Variants in SH3GL3 observed in about 807,000 individuals in gnomAD.
SH3GL3 encodes SH3 domain containing GRB2 like 3, endophilin A3.
SH3GL3 carries 33 observed loss-of-function variants against 47.7 expected under a neutral mutation model. That is an observed-to-expected ratio of 0.69 (90% confidence interval 0.52 to 0.92). SH3GL3 has a LOEUF of 0.92. Among genes scored for constraint, SH3GL3 ranks in the 40% least tolerant of loss-of-function variants. The pLI is 0.00. For synonymous variants in SH3GL3, 155 were observed against 148.8 expected (o/e 1.04, Z -0.30); for missense variants, 363 against 417.8 (o/e 0.87, Z 1.14).
chr15:83,589,263 C>T (rs997136651), intron 8 of SH3GL3, among the ~76,000 whole-genome samples: 6 of 152,158 alleles, frequency 3.9e-5, no homozygotes, highest in Non-Finnish European at 7.3e-5. Context: ...CCTACACCAT[C>T]GCAGTTCGCT....
chr15:83,565,097 T>C (rs765615934), intron 2 of SH3GL3, 37 bp from the exon 3 acceptor site: 1 of 880,318 alleles, frequency 1.1e-6, no homozygotes, highest in Non-Finnish European at 1.8e-6. Flanking sequence ...TTATTGAGTT[T>C]GTCATTTACT....
intron 1 of SH3GL3, among the ~76,000 whole-genome samples, chr15:83,504,617 C>T (rs2042419938): frequency 6.6e-6 from 1 of 152,202 alleles, no homozygotes; most frequent in Non-Finnish European, 1.5e-5. Flanking sequence ...GGCCCTCCTT[C>T]CAAAAGCCCT....
chr15:83,468,360 T>A (rs936910197), intron 1 of SH3GL3, among the ~76,000 whole-genome samples: 1 of 152,240 alleles, frequency 6.6e-6, no homozygotes, highest in African/African-American at 2.4e-5. Flanking sequence ...GGCTATTTAT[T>A]TTCTTGCCTT....
intron 1 of SH3GL3, among the ~76,000 whole-genome samples, chr15:83,498,928 C>T (rs1388909840): frequency 2.0e-5 from 3 of 152,172 alleles, no homozygotes; most frequent in Admixed American, 1.3e-4. Context: ...CCCTTTGGAC[C>T]AGGTCCATGT....
intron 1 of SH3GL3, among the ~76,000 whole-genome samples, chr15:83,492,816 C>T (rs539239016): frequency 6.6e-6 from 1 of 152,344 alleles, no homozygotes; most frequent in South Asian, 2.1e-4. Context: ...CCAGCAGTAA[C>T]GAACCCTTTG....
chr15:83,622,555 G>A (rs551691323), downstream of SH3GL3, among the ~76,000 whole-genome samples: 1 of 152,360 alleles, frequency 6.6e-6, no homozygotes, highest in East Asian at 1.9e-4. Context: ...TTACTGACAT[G>A]GAATTGAAAT....
intron 1 of SH3GL3, among the ~76,000 whole-genome samples, chr15:83,518,501 AT>A (rs924091954): frequency 2.6e-5 from 4 of 151,700 alleles, no homozygotes; most frequent in African/African-American, 7.3e-5. Context: ...GATGTGGAGC[AT>A]TTTTTTTGCA....
intron 1 of SH3GL3, among the ~76,000 whole-genome samples, chr15:83,530,176 C>A: frequency 6.6e-6 from 1 of 152,196 alleles, no homozygotes; most frequent in East Asian, 1.9e-4. Flanking sequence ...TGGTGCTGTT[C>A]TGCAGTTGCT....
At chr15:83,540,749 T>C (rs2151699699) in intron 1 of SH3GL3, among the ~76,000 whole-genome samples, 1 of 152,198 alleles carries the variant, frequency 6.6e-6, no homozygotes, top group African/African-American at 2.4e-5. Flanking sequence ...GTAAATGGGG[T>C]ATTCCTCACC....
chr15:83,617,940 C>T (rs1027272696), intron 8 of SH3GL3, 142 bp from the exon 9 acceptor site: 14 of 631,500 alleles, frequency 2.2e-5, no homozygotes, highest in South Asian at 1.1e-4. Flanking sequence ...CAAACGGCAC[C>T]GTGAGCTGGG....
chr15:83,553,438 C>A (rs1318667485), intron 1 of SH3GL3, among the ~76,000 whole-genome samples: 1 of 152,120 alleles, frequency 6.6e-6, no homozygotes, highest in Non-Finnish European at 1.5e-5. Context: ...CATTACTGAT[C>A]TATTTAGACT....
At chr15:83,632,669 T>C in the SH3GL3 span, among the ~76,000 whole-genome samples, 1 of 152,122 alleles carries the variant, frequency 6.6e-6, no homozygotes, top group Non-Finnish European at 1.5e-5. Context: ...TATAAAACCA[T>C]CAGATCTTGT....
the SH3GL3 span, among the ~76,000 whole-genome samples, chr15:83,631,522 C>T: frequency 6.6e-6 from 1 of 152,194 alleles, no homozygotes; most frequent in Non-Finnish European, 1.5e-5. Context: ...GGTGGAGGCT[C>T]CCAAACCTCA....
chr15:83,605,981 C>T (rs921271749), intron 8 of SH3GL3, among the ~76,000 whole-genome samples: 7 of 152,090 alleles, frequency 4.6e-5, no homozygotes, highest in African/African-American at 1.7e-4. Flanking sequence ...CAGGTTGTCA[C>T]CTCCTGAATT....
At chr15:83,495,074 G>A (rs185833929) in intron 1 of SH3GL3, among the ~76,000 whole-genome samples, 21 of 152,258 alleles carry the variant, frequency 1.4e-4, no homozygotes, top group Non-Finnish European at 8.8e-5. Context: ...GGTGTATGGG[G>A]GTTCCTGGTC....
chr15:83,625,369 T>TA, the SH3GL3 span, among the ~76,000 whole-genome samples: 1 of 152,210 alleles, frequency 6.6e-6, no homozygotes, highest in Admixed American at 6.5e-5. Context: ...CTGTCATATT[T>TA]ACCTTTTTAT....
Position 83,559,286 on chromosome 15 carries a change from A to G in SH3GL3, c.79A>G (p.Thr27Ala), listed in dbSNP as rs1252140228. 9 of 1,592,760 alleles carry G rather than the reference A, an allele frequency of 5.7e-6. No individual in the cohort carries two copies. Among genetic ancestry groups the G allele is most frequent in the Middle Eastern group, 3.3e-4 (2 of 6,052 alleles). ...TGAAAAAATAAGTGGTGCTGAAGGAACTAAACTAGACGATGAATTTCTTGA... is the reference window on the plus strand; with the variant it reads ...TGAAAAAATAAGTGGTGCTGAAGGAGCTAAACTAGACGATGAATTTCTTGA... ...FSEKISGAEG[T>A]KLDDEFLDME... The change falls in exon 2 of 9, where the codon ACT (threonine) becomes GCT (alanine). Residue 27 changes from threonine (T) to alanine (A), a missense_variant. Thr to Ala is a moderately conservative substitution (Grantham distance 58). Coordinates refer to ENST00000427482, the MANE Select transcript of SH3GL3 (RefSeq NM_003027.5).
chr15:83,559,524 C>T (rs1180254484), intron 2 of SH3GL3, among the ~76,000 whole-genome samples: 1 of 152,014 alleles, frequency 6.6e-6, no homozygotes, highest in African/African-American at 2.4e-5. Context: ...TTGGGCAGGT[C>T]GAGTAATGAG....
chr15:83,532,439 G>A (rs934584898), intron 1 of SH3GL3, among the ~76,000 whole-genome samples: 10 of 152,158 alleles, frequency 6.6e-5, no homozygotes, highest in Non-Finnish European at 1.3e-4. Context: ...TAAGGAGGAA[G>A]GGGATGATAT....
Sources: allele counts gnomAD v4.1 joint callset (sites outside exome capture counted in the v4.1 genomes callset), GRCh38; gene constraint gnomAD v4.1.1; transcripts MANE v1.5; gene names NCBI Gene and HGNC (gene_info 2026-07-23, HGNC 2026-07-21).